The following SUPT20H variants were observed in gnomAD, a reference collection of about 807,000 sequenced individuals.
SUPT20H encodes SPT20 homolog, SAGA complex component.
In SUPT20H, 82 loss-of-function variants were observed where a neutral mutation model predicts 122.8. That is an observed-to-expected ratio of 0.67 (90% CI 0.56 to 0.80). SUPT20H has a LOEUF of 0.80. Ranked by LOEUF, SUPT20H falls within the 30% of genes least tolerant of loss-of-function variation. The pLI is 0.00. For missense variants in SUPT20H, 831 were observed against 921.6 expected, an observed-to-expected ratio of 0.90 and a Z score of 1.27; for synonymous variants, 291 against 313.0, an observed-to-expected ratio of 0.93 and a Z score of 0.74.
At chr13:37,057,802 C>G (rs1339611812) in intron 1 of SUPT20H, among the ~76,000 whole-genome samples, 2 of 151,916 alleles carry the variant, frequency 1.3e-5, no homozygotes, top group South Asian at 4.2e-4. Flanking sequence ...GGCGAAACCC[C>G]GTCTCTACTA....
At chr13:37,038,702 A>T (rs1382467376) in intron 9 of SUPT20H, 1 of 152,264 alleles carries the variant, frequency 6.6e-6, no homozygotes, top group African/African-American at 2.4e-5. Flanking sequence ...GGGTCTTTAA[A>T]AAGTTTATGA....
chr13:37,019,303 G>A (rs1267817685), intron 22 of SUPT20H, 39 bp downstream of exon 22: 1 of 1,508,396 alleles, frequency 6.6e-7, no homozygotes, highest in East Asian at 2.3e-5. Flanking sequence ...AAAAGTCAAT[G>A]TACAAAAAAT....
chr13:37,041,483 A>AT (rs1289231634), intron 7 of SUPT20H, among the ~76,000 whole-genome samples: 1 of 151,648 alleles, frequency 6.6e-6, no homozygotes, highest in Non-Finnish European at 1.5e-5. Context: ...GGGCCACTGC[A>AT]TTCCAGCCTG....
At chr13:37,044,221 C>A in intron 6 of SUPT20H, 40 bp from the exon 7 acceptor site, 1 of 1,515,478 alleles carries the variant, frequency 6.6e-7, no homozygotes, top group South Asian at 1.2e-5. Context: ...ATCATGCTCA[C>A]TGAAAGCTTA....
chr13:37,010,760 T>C, intron 24 of SUPT20H, 105 bp from the exon 25 acceptor site: 1 of 752,118 alleles, frequency 1.3e-6, no homozygotes, highest in Admixed American at 2.6e-5. Context: ...GTTAGCAGTA[T>C]GATTAATCTT....
chr13:37,026,367 T>G, intron 15 of SUPT20H, 131 bp from the exon 16 acceptor site: 1 of 638,280 alleles, frequency 1.6e-6, no homozygotes. Context: ...TCTACCAAGA[T>G]ATGAAAAAAA....
intron 9 of SUPT20H, 126 bp downstream of exon 9, chr13:37,040,279 G>T: frequency 1.2e-6 from 1 of 841,868 alleles, no homozygotes; most frequent in Non-Finnish European, 1.8e-6. Flanking sequence ...AGGAATACCA[G>T]CTTTTCACAT....
At chr13:37,047,666 T>A (rs1260861647) in intron 4 of SUPT20H, 65 bp from the exon 5 acceptor site, 5 of 1,292,552 alleles carry the variant, frequency 3.9e-6, no homozygotes, top group Non-Finnish European at 5.2e-6. Context: ...ACATGAATGT[T>A]ATTTAATTTT....
At chr13:37,025,267 C>A (rs2062053144) in intron 17 of SUPT20H, 53 bp downstream of exon 17, 2 of 1,404,320 alleles carry the variant, frequency 1.4e-6, no homozygotes, top group South Asian at 2.3e-5. Flanking sequence ...TAACATTTCT[C>A]AGATTACTTG....
chr13:37,045,005 CAT>C (rs1049616033), intron 6 of SUPT20H, among the ~76,000 whole-genome samples: 14 of 151,770 alleles, frequency 9.2e-5, no homozygotes, highest in African/African-American at 3.1e-4. Flanking sequence ...ACTTGAAAGA[CAT>C]ATCAATTAGA....
At chr13:37,013,676 C>T (rs2059967862) in intron 23 of SUPT20H, 1 of 151,990 alleles carries the variant, frequency 6.6e-6, no homozygotes, top group Non-Finnish European at 1.5e-5. Flanking sequence ...CTGCAAAAGA[C>T]ATCCTTTGGT....
chr13:37,028,135 T>G lies in SUPT20H; in HGVS notation c.1151+13A>C, dbSNP rs375431143. 134 of 1,575,976 alleles carry G rather than the reference T, an allele frequency of 8.5e-5. No individual in the cohort carries two copies. Among genetic ancestry groups the G allele is most frequent in the Non-Finnish European group, 1.1e-4 (132 of 1,166,096 alleles). The stretch of plus-strand genomic sequence containing the variant: ...TTTTTTTTTTCCAGTTACTTGTATT[T>G]AACAGAACTCACTGTGATGGAGACA... On this transcript the variant is annotated intron_variant, in intron 14 of 25. Coordinates refer to ENST00000350612, the MANE Select transcript of SUPT20H (RefSeq NM_001014286.3).
intron 13 of SUPT20H, among the ~76,000 whole-genome samples, 200 bp downstream of exon 13, chr13:37,029,562 TAAA>T (rs2062935450): frequency 6.6e-6 from 1 of 151,774 alleles, no homozygotes; most frequent in African/African-American, 2.4e-5. Flanking sequence ...AAAATAAAAA[TAAA>T]AAATTGCTGT....
chr13:37,050,342 A>C, intron 2 of SUPT20H, among the ~76,000 whole-genome samples: 1 of 94,856 alleles, frequency 1.1e-5, no homozygotes, highest in Non-Finnish European at 2.1e-5. Context: ...AGATTCTGTC[A>C]CTACCAAAAA....
chr13:37,011,683 T>C (rs138356328), intron 24 of SUPT20H, among the ~76,000 whole-genome samples: 444 of 152,318 alleles, frequency 2.9e-3, no homozygotes, highest in Middle Eastern at 0.017. Flanking sequence ...TTAAGAGTAA[T>C]CTTTAGTTCA....
intron 9 of SUPT20H, among the ~76,000 whole-genome samples, chr13:37,037,194 C>CAAAAA (rs34269768): frequency 2.3e-5 from 3 of 130,594 alleles, no homozygotes; most frequent in Non-Finnish European, 1.6e-5. Flanking sequence ...GACTCTGCCT[C>CAAAAA]AAAAAAAAAA....
At chr13:37,052,862 G>A (rs1005894611) in intron 1 of SUPT20H, among the ~76,000 whole-genome samples, 4 of 152,264 alleles carry the variant, frequency 2.6e-5, no homozygotes, top group African/African-American at 4.8e-5. Context: ...AAAAGTGGGT[G>A]AAGGATATGA....
Position 37,019,327 on chromosome 13 carries a change from G to A in SUPT20H, c.1872+15C>T, listed in dbSNP as rs1337572807. ...TGTACAAAAAATTTAATCAAAAGCA[G>A]TATTTCAGGTTTACCTGGAGTAGAT... On this transcript the variant is annotated intron_variant, in intron 22 of 25. Transcript: ENST00000350612. The A allele has an allele frequency of 5.7e-6, 9 of 1,578,280 alleles. No individual in the cohort carries two copies. Among genetic ancestry groups the A allele is most frequent in the Non-Finnish European group, 7.7e-6 (9 of 1,165,494 alleles).
Position 37,047,865 on chromosome 13 carries a change from T to G in SUPT20H, c.98+13A>C. Reference sequence around the variant, plus strand: ...TCAATGAATCTAAGATGTTACCAATTAATTATTCATACCTTCCACTTGATA... The same window carrying G: ...TCAATGAATCTAAGATGTTACCAATGAATTATTCATACCTTCCACTTGATA... On this transcript the variant is annotated intron_variant, in intron 4 of 25. Transcript: ENST00000350612. 6.3e-7 allele frequency: 1 copy of G among 1,598,294 alleles called. No homozygotes were observed.
Sources: gnomAD v4.1 joint callset for allele counts (sites outside exome capture counted in the v4.1 genomes callset) on GRCh38, gnomAD v4.1.1 for gene constraint, MANE v1.5 for transcripts, NCBI Gene and HGNC (gene_info 2026-07-23, HGNC 2026-07-21) for gene names.